AQP9: variants seen among roughly 807,000 people sequenced by gnomAD.
AQP9 encodes aquaporin-9.
AQP9 carries 19 observed loss-of-function variants against 23.8 expected under a neutral mutation model. That is an observed-to-expected ratio of 0.80 (90% CI 0.56 to 1.17). The LOEUF is 1.17. Ranked by LOEUF, AQP9 falls within the 50% of genes most tolerant of loss-of-function variation. The pLI is 0.00. For synonymous variants in AQP9, 153 were observed against 131.5 expected (o/e 1.16, Z -1.12); for missense variants, 413 against 362.0 (o/e 1.14, Z -1.14).
chr15:58,166,577 C>T, intron 1 of AQP9, 96 bp from the exon 2 acceptor site: 2 of 1,470,552 alleles, frequency 1.4e-6, no homozygotes, highest in South Asian at 1.4e-5. Flanking sequence ...CAACCCAATC[C>T]ATGACTTTGC....
Position 58,184,019 on chromosome 15 carries a change from G to A in AQP9, c.772G>A (p.Gly258Arg). The change falls in exon 6 of 6, where the codon GGA becomes AGA. Residue 258 changes from glycine (G) to arginine (R), a missense_variant. Gly to Arg is a moderately radical substitution (Grantham distance 125, BLOSUM62 -2). Coordinates refer to ENST00000219919, the MANE Select transcript of AQP9 (RefSeq NM_020980.5). ...VVGPLVGAVI[G>R]GLIYVLVIEI... The stretch of plus-strand genomic sequence containing the variant: ...GGGCCCTTTGGTTGGTGCTGTCATT[G>A]GAGGCCTCATCTATGTTCTTGTCAT... The A allele has an allele frequency of 6.2e-7, 1 of 1,614,118 alleles. No homozygotes were observed. The highest frequency in any genetic ancestry group is 8.5e-7 in the Non-Finnish European group (1 of 1,180,016).
chr15:58,175,148 G>T, intron 4 of AQP9, 112 bp downstream of exon 4: 1 of 1,052,732 alleles, frequency 9.5e-7, no homozygotes, highest in Admixed American at 2.0e-5. Flanking sequence ...ATTTCCAAAG[G>T]CAGAGGTTGC....
chr15:58,158,656 C>G (rs1329681654), intron 1 of AQP9, among the ~76,000 whole-genome samples: 3 of 152,138 alleles, frequency 2.0e-5, no homozygotes, highest in African/African-American at 7.2e-5. Flanking sequence ...CAATCTTTCC[C>G]AAGGAGATCC....
At chr15:58,161,800 T>A (rs928439178) in intron 1 of AQP9, among the ~76,000 whole-genome samples, 3 of 152,214 alleles carry the variant, frequency 2.0e-5, no homozygotes, top group African/African-American at 7.2e-5. Context: ...ATTTGATTCT[T>A]TATCAAAAAG....
In AQP9 at chr15:58,179,114, T is replaced by A; in HGVS notation, c.496-14T>A. The A allele has an allele frequency of 6.3e-7, 1 of 1,583,364 alleles. No individual in the cohort carries two copies. Among genetic ancestry groups the A allele is most frequent in the South Asian group, 1.1e-5 (1 of 90,424 alleles). On this transcript the variant is annotated splice_polypyrimidine_tract_variant and intron_variant, in intron 4 of 5. Coordinates refer to ENST00000219919, the MANE Select transcript of AQP9 (RefSeq NM_020980.5). ...ATGCAGGCTAAAGCCCTGGCTCAAC[T>A]TCTCCCTCTCCAGGTGGTGGCCACC...
chr15:58,173,997 G>A (rs1468668841), intron 3 of AQP9, among the ~76,000 whole-genome samples: 1 of 152,098 alleles, frequency 6.6e-6, no homozygotes. Flanking sequence ...ATGGGTCATG[G>A]AGGGCTGGGT....
rs1451760255 is a variant in AQP9, at chr15:58,179,114, T to C, written c.496-14T>C. Reference sequence around the variant, plus strand: ...ATGCAGGCTAAAGCCCTGGCTCAACTTCTCCCTCTCCAGGTGGTGGCCACC... The same window carrying C: ...ATGCAGGCTAAAGCCCTGGCTCAACCTCTCCCTCTCCAGGTGGTGGCCACC... On this transcript the variant is annotated splice_polypyrimidine_tract_variant and intron_variant, in intron 4 of 5. Transcript: ENST00000219919. 4 of 1,583,246 alleles carry C rather than the reference T, an allele frequency of 2.5e-6. No individual in the cohort carries two copies. The highest frequency in any genetic ancestry group is 2.6e-6 in the Non-Finnish European group (3 of 1,151,894).
chr15:58,180,437 G>A (rs1360941412), intron 5 of AQP9, among the ~76,000 whole-genome samples: 1 of 152,208 alleles, frequency 6.6e-6, no homozygotes, highest in Non-Finnish European at 1.5e-5. Flanking sequence ...AGCATCTAGA[G>A]TGTAAGTGCC....
chr15:58,144,715 C>A (rs980029480), intron 1 of AQP9, among the ~76,000 whole-genome samples: 4 of 152,010 alleles, frequency 2.6e-5, no homozygotes, highest in Admixed American at 1.3e-4. Context: ...AGAAAAATTT[C>A]TTTAAAAGTT....
intron 2 of AQP9, among the ~76,000 whole-genome samples, chr15:58,168,649 A>T (rs1349839250): frequency 1.3e-5 from 2 of 151,952 alleles, no homozygotes; most frequent in Admixed American, 6.6e-5. Context: ...TGCAACCTTG[A>T]CCTCCCAGAT....
At chr15:58,175,858 C>A (rs571514424) in intron 4 of AQP9, among the ~76,000 whole-genome samples, 41 of 152,320 alleles carry the variant, frequency 2.7e-4, no homozygotes, top group African/African-American at 9.9e-4. Context: ...TTTTTACTTT[C>A]CACTTTCATC....
intron 4 of AQP9, among the ~76,000 whole-genome samples, chr15:58,175,778 T>A (rs868256495): frequency 1.3e-5 from 2 of 152,230 alleles, no homozygotes; most frequent in African/African-American, 2.4e-5. Context: ...AAATGGATCT[T>A]CCAGTTCATC....
intron 1 of AQP9, chr15:58,151,155 CATT>C (rs1898141298): frequency 6.6e-6 from 1 of 152,042 alleles, no homozygotes; most frequent in African/African-American, 2.4e-5. Flanking sequence ...TATCAATACT[CATT>C]ATAATTATTC....
chr15:58,160,480 G>T (rs1166934124), intron 1 of AQP9, among the ~76,000 whole-genome samples: 2 of 151,842 alleles, frequency 1.3e-5, no homozygotes, highest in African/African-American at 2.4e-5. Flanking sequence ...GAGAAATGGG[G>T]TTTCTTTTGT....
chr15:58,139,596 T>C (rs1897916648), intron 1 of AQP9, among the ~76,000 whole-genome samples: 1 of 152,244 alleles, frequency 6.6e-6, no homozygotes, highest in African/African-American at 2.4e-5. Flanking sequence ...CTTAAAGTTA[T>C]AGAGAATAGC....
At chr15:58,145,113 G>A (rs1898021102) in intron 1 of AQP9, among the ~76,000 whole-genome samples, 1 of 151,458 alleles carries the variant, frequency 6.6e-6, no homozygotes, top group Non-Finnish European at 1.5e-5. Context: ...TTCCATTTCA[G>A]TAATTTCTGC....
At chr15:58,143,551 C>T (rs1204045847) in intron 1 of AQP9, among the ~76,000 whole-genome samples, 1 of 152,164 alleles carries the variant, frequency 6.6e-6, no homozygotes, top group African/African-American at 2.4e-5. Context: ...CTCTTAACCA[C>T]GCTACAGTTA....
At chr15:58,169,986 C>T (rs1196964840) in intron 2 of AQP9, among the ~76,000 whole-genome samples, 1 of 152,200 alleles carries the variant, frequency 6.6e-6, no homozygotes, top group Non-Finnish European at 1.5e-5. Flanking sequence ...GTTCCCTCTG[C>T]TCACCTAAGA....
At chr15:58,154,297 T>A (rs1898204320) in intron 1 of AQP9, 2 of 152,138 alleles carry the variant, frequency 1.3e-5, no homozygotes, top group African/African-American at 4.8e-5. Flanking sequence ...CAAACTCATA[T>A]AATCAGCCTC....
Sources: gnomAD v4.1 joint callset for allele counts (sites outside exome capture counted in the v4.1 genomes callset) on GRCh38, gnomAD v4.1.1 for gene constraint, MANE v1.5 for transcripts, NCBI Gene and HGNC (gene_info 2026-07-23, HGNC 2026-07-21) for gene names.